Variants in MAN1C1 observed in about 807,000 individuals in gnomAD.
The protein encoded by MAN1C1 is mannosyl-oligosaccharide 1,2-alpha-mannosidase IC.
In MAN1C1, 49 loss-of-function variants were observed where a neutral mutation model predicts 71.5. That is an observed-to-expected ratio of 0.69 (90% CI 0.54 to 0.87). MAN1C1 has a LOEUF of 0.87. Among genes scored for constraint, MAN1C1 ranks in the 40% least tolerant of loss-of-function variants. The probability of loss-of-function intolerance (pLI) is 0.00; values close to 1 mark genes in which losing one functional copy is unlikely to be tolerated. For missense variants in MAN1C1, 743 were observed against 835.0 expected (o/e 0.89, Z 1.36); for synonymous variants, 352 against 343.7 (o/e 1.02, Z -0.27).
chr1:25,781,177 C>A, intron 10 of MAN1C1, 65 bp downstream of exon 10: 2 of 1,569,020 alleles, frequency 1.3e-6, no homozygotes, highest in South Asian at 1.2e-5. Flanking sequence ...AGGCTGGGTG[C>A]TAGGTGCCCT....
intron 1 of MAN1C1, among the ~76,000 whole-genome samples, chr1:25,648,941 C>T (rs2045653593): frequency 6.6e-6 from 1 of 152,226 alleles, no homozygotes; most frequent in South Asian, 2.1e-4. Context: ...GGCTAATAGT[C>T]ATCACACTAA....
At chr1:25,763,603 T>G in intron 6 of MAN1C1, 1 of 410,288 alleles carries the variant, frequency 2.4e-6, no homozygotes, top group Non-Finnish European at 4.4e-6. Context: ...CAGGCAGTGG[T>G]TCTGGGGTTG....
chr1:25,744,458 C>T (rs1444048557), intron 2 of MAN1C1, among the ~76,000 whole-genome samples: 1 of 152,138 alleles, frequency 6.6e-6, no homozygotes, highest in African/African-American at 2.4e-5. Flanking sequence ...GTCCTTCCAG[C>T]CTTCTCCTCC....
rs950354060 is a variant in MAN1C1, at chr1:25,769,263, C to T, written c.1142-2394C>T. On this transcript the variant is annotated intron_variant, in intron 7 of 11. Coordinates refer to ENST00000374332, the MANE Select transcript of MAN1C1 (RefSeq NM_020379.4). This position sits in a 1 kb window ranked among gnomAD's most constrained non-coding sequence, Gnocchi z 4.8. Reference sequence around the variant, plus strand: ...CACACCACACTCCTTGACACACACACACTCTCCCTACACACACATCCACAC... The same window carrying T: ...CACACCACACTCCTTGACACACACATACTCTCCCTACACACACATCCACAC... Among the ~76,000 whole-genome samples, 1 of 151,062 alleles carries T rather than the reference C, an allele frequency of 6.6e-6. No individual in the cohort carries two copies. The highest frequency in any genetic ancestry group is 2.4e-5 in the African/African-American group (1 of 40,936).
rs1458637458 is a variant in MAN1C1 at position 25,735,430 on chromosome 1, G to A, written c.638-11238G>A. On this transcript the variant is annotated intron_variant, in intron 2 of 11. Coordinates refer to ENST00000374332, the MANE Select transcript of MAN1C1 (RefSeq NM_020379.4). The surrounding 1 kb of genome is among the most constrained non-coding windows in gnomAD (Gnocchi z 4.6). ...CGAGACTGTGTCTCAAAATGTGTAT[G>A]TATGTATGTGTATGTATATATATAT... is the stretch of plus-strand genomic sequence containing the variant. 3.3e-5 allele frequency among the ~76,000 whole-genome samples: 5 copies of A among 152,024 alleles called. No homozygotes were observed. The highest frequency in any genetic ancestry group is 3.3e-4 in the Admixed American group (5 of 15,260).
intron 1 of MAN1C1, among the ~76,000 whole-genome samples, chr1:25,679,556 G>A (rs1303323786): frequency 3.0e-5 from 4 of 132,122 alleles, no homozygotes; most frequent in Admixed American, 2.2e-4. Flanking sequence ...TCCTAAATGA[G>A]TTAAAAAAAA....
chr1:25,643,877 T>C (rs1342804146), intron 1 of MAN1C1, among the ~76,000 whole-genome samples: 3 of 152,170 alleles, frequency 2.0e-5, no homozygotes, highest in African/African-American at 7.2e-5. Context: ...ATGTGGCTGC[T>C]AGAATTTGCA....
At chr1:25,658,022 C>T (rs1251161184) in intron 1 of MAN1C1, among the ~76,000 whole-genome samples, 1 of 152,246 alleles carries the variant, frequency 6.6e-6, no homozygotes, top group Non-Finnish European at 1.5e-5. Flanking sequence ...TGGTGCTCTA[C>T]ACCATCTCCT....
At chr1:25,752,387 G>A (rs1031053514) in intron 4 of MAN1C1, among the ~76,000 whole-genome samples, 1 of 152,014 alleles carries the variant, frequency 6.6e-6, no homozygotes, top group Non-Finnish European at 1.5e-5. Context: ...GGATGGTCTC[G>A]AACTCCTGAC....
chr1:25,686,457 G>T lies in MAN1C1; in HGVS notation c.558G>T (p.Trp186Cys). The T allele has an allele frequency of 6.2e-7, 1 of 1,614,148 alleles. No homozygotes were observed. The highest frequency in any genetic ancestry group is 8.5e-7 in the Non-Finnish European group (1 of 1,180,006). ...TCTTGCAGATGATGCAGTTTGCTTG[G>T]CAGAGCTATAAGCGTTATGCAATGG... Reference protein sequence around the residue: ...EKIKEMMQFAWQSYKRYAMGK... With the variant: ...EKIKEMMQFACQSYKRYAMGK... Residue 186 changes from tryptophan (W) to cysteine (C), a missense_variant, in exon 2 of 12, where the codon TGG becomes TGT. Transcript: ENST00000374332.
Position 25,642,153 on chromosome 1 carries a change from G to A in MAN1C1, c.540+23816G>A, listed in dbSNP as rs151049520. On this transcript the variant is annotated intron_variant, in intron 1 of 11. Coordinates refer to ENST00000374332, the MANE Select transcript of MAN1C1 (RefSeq NM_020379.4). The stretch of plus-strand genomic sequence containing the variant: ...GAAAATATTTGCTTGTCCCGAAGTC[G>A]ATTTCCCCACAGGCCATCGCCCTCC... Among the ~76,000 whole-genome samples the A allele has an allele frequency of 4.6e-3, 700 of 152,252 alleles. 3 individuals are homozygous for A. Among genetic ancestry groups the A allele is most frequent in the Admixed American group, 8.4e-3 (129 of 15,296 alleles).
intron 2 of MAN1C1, among the ~76,000 whole-genome samples, chr1:25,724,609 A>T (rs1161933865): frequency 6.6e-6 from 1 of 152,080 alleles, no homozygotes; most frequent in Non-Finnish European, 1.5e-5. Context: ...GAGTGGGGAG[A>T]GGCATCCTAC....
intron 2 of MAN1C1, chr1:25,709,905 C>T (rs1316718700): frequency 1.3e-5 from 2 of 152,088 alleles, no homozygotes; most frequent in Non-Finnish European, 2.9e-5. Context: ...GCAACCACGC[C>T]CAGCTAATTT....
rs75435956 is a variant in MAN1C1, at chr1:25,741,572, C to T, written c.638-5096C>T. On this transcript the variant is annotated intron_variant, in intron 2 of 11. Coordinates refer to ENST00000374332, the MANE Select transcript of MAN1C1 (RefSeq NM_020379.4). ...ACACAGATGCAGACTACAGTCCCCA[C>T]TATTATAAAGTGACAGGGACAGGGA... Among the ~76,000 whole-genome samples the T allele has an allele frequency of 1.9e-3, 289 of 152,242 alleles. 2 individuals carry two copies. Among genetic ancestry groups the T allele is most frequent in the African/African-American group, 6.0e-3 (249 of 41,524 alleles).
chr1:25,767,591 TA>T (rs2047454203), intron 7 of MAN1C1, among the ~76,000 whole-genome samples: 1 of 75,558 alleles, frequency 1.3e-5, no homozygotes, highest in Non-Finnish European at 2.5e-5. Context: ...CAGACCCACA[TA>T]CCACACTACC....
chr1:25,717,622 C>CTGGA (rs1426343140), intron 2 of MAN1C1, among the ~76,000 whole-genome samples: 1 of 149,326 alleles, frequency 6.7e-6, no homozygotes, highest in African/African-American at 2.5e-5. Flanking sequence ...GTTGCCCAGG[C>CTGGA]TGGAGTGCAG....
intron 5 of MAN1C1, among the ~76,000 whole-genome samples, chr1:25,756,387 C>T (rs2124360950): frequency 6.6e-6 from 1 of 152,306 alleles, no homozygotes; most frequent in Admixed American, 6.5e-5. Flanking sequence ...TCTGCCAGGG[C>T]ATCTCCACCA....
chr1:25,719,645 C>T (rs558356023), intron 2 of MAN1C1, among the ~76,000 whole-genome samples: 12 of 152,022 alleles, frequency 7.9e-5, no homozygotes, highest in Non-Finnish European at 1.2e-4. Flanking sequence ...CCAGGCTGGT[C>T]TTGAACTCCT....
intron 1 of MAN1C1, among the ~76,000 whole-genome samples, chr1:25,625,409 TC>T (rs2045278946): frequency 6.6e-6 from 1 of 152,166 alleles, no homozygotes; most frequent in Non-Finnish European, 1.5e-5. Context: ...CTCAGAAAGT[TC>T]CTTTGCTCCT....
Sources: allele counts gnomAD v4.1 joint callset (sites outside exome capture counted in the v4.1 genomes callset), GRCh38; gene constraint gnomAD v4.1.1; non-coding constraint Gnocchi (gnomAD v3.1); transcripts MANE v1.5; gene names NCBI Gene and HGNC (gene_info 2026-07-23, HGNC 2026-07-21).